The following WWC1 variants were observed in gnomAD, a reference collection of about 807,000 sequenced individuals.
The protein encoded by WWC1 is WW and C2 domain containing 1.
In WWC1, 55 loss-of-function variants were observed where a neutral mutation model predicts 138.4. The ratio of observed to expected loss-of-function variants is 0.40; its 90% CI spans 0.32 to 0.50. WWC1 has a LOEUF of 0.50. Ranked by LOEUF, WWC1 falls within the 20% of genes least tolerant of loss-of-function variation. The pLI, the probability that WWC1 is intolerant of heterozygous loss-of-function variation, is 0.72. For missense variants in WWC1, 1,226 were observed against 1,420.4 expected, an observed-to-expected ratio of 0.86 and a Z score of 2.20; for synonymous variants, 524 against 564.9, an observed-to-expected ratio of 0.93 and a Z score of 1.03.
Position 168,423,541 on chromosome 5 carries a change from G to A in WWC1, c.1283G>A (p.Ser428Asn), listed in dbSNP as rs1781283467. The change falls in exon 11 of 23, where the codon AGC (serine) becomes AAC (asparagine). Residue 428 changes from serine to asparagine, a missense_variant. Ser to Asn is a conservative substitution (Grantham distance 46). Coordinates refer to ENST00000265293, the MANE Select transcript of WWC1 (RefSeq NM_015238.3). ...TLHSQLKSLS[S>N]SMQSLSSGSS... is the part of the protein sequence containing the mutation. ...CCCTCCCTGTGTCCCAGTCTCTCAA[G>A]CAGCATGCAGTCCCTGTCCTCAGGC... 1 of 1,610,688 alleles carries A rather than the reference G, an allele frequency of 6.2e-7. No individual in the cohort carries two copies. Among genetic ancestry groups the A allele is most frequent in the Non-Finnish European group, 8.5e-7 (1 of 1,178,478 alleles).
At chr5:168,443,911 CAATT>C (rs1232401697) in intron 16 of WWC1, among the ~76,000 whole-genome samples, 7 of 152,178 alleles carry the variant, frequency 4.6e-5, no homozygotes, top group African/African-American at 1.4e-4. Flanking sequence ...TGTAGAGTCT[CAATT>C]AATCTTCATA....
chr5:168,443,710 G>T (rs546249476), intron 16 of WWC1, among the ~76,000 whole-genome samples: 21 of 152,134 alleles, frequency 1.4e-4, no homozygotes, highest in African/African-American at 5.1e-4. Context: ...CAGGCCTTCA[G>T]TTGATTTTAG....
At chr5:168,316,038 G>C (rs1483610645) in intron 1 of WWC1, among the ~76,000 whole-genome samples, 2 of 152,174 alleles carry the variant, frequency 1.3e-5, no homozygotes, top group Admixed American at 1.3e-4. Flanking sequence ...CCCAAACCCA[G>C]GACAGCTAGA....
At chr5:168,304,971 A>G (rs1355691305) in intron 1 of WWC1, among the ~76,000 whole-genome samples, 1 of 151,910 alleles carries the variant, frequency 6.6e-6, no homozygotes, top group African/African-American at 2.4e-5. Flanking sequence ...GATTACAGGC[A>G]TGTGCCACCA....
intron 1 of WWC1, among the ~76,000 whole-genome samples, chr5:168,309,330 A>C (rs1770855275): frequency 1.3e-5 from 2 of 152,110 alleles, no homozygotes; most frequent in African/African-American, 4.8e-5. Flanking sequence ...CAAATCGAAA[A>C]TTGAATCCAG....
chr5:168,325,616 T>G (rs1772465515), intron 1 of WWC1, among the ~76,000 whole-genome samples: 1 of 152,174 alleles, frequency 6.6e-6, no homozygotes, highest in Non-Finnish European at 1.5e-5. Flanking sequence ...GCACTGACAT[T>G]CCATGTGAGA....
rs866543015 is a variant in WWC1 at position 168,297,696 on chromosome 5, T to C, written c.119+5425T>C. Among the ~76,000 whole-genome samples the C allele has an allele frequency of 1.5e-4, 21 of 139,428 alleles. 1 individual carries two copies. Among genetic ancestry groups the C allele is most frequent in the South Asian group, 1.1e-3 (5 of 4,434 alleles). The allele number at this position is 139,428 out of a possible 152,430, so 91.5% of individuals were successfully genotyped here. A position where few individuals can be genotyped will look rare whatever the true frequency, so the allele number is the denominator to read the frequency against. ...GACTTGCCCAAGGTCACACAGAAAA[T>C]AAATGCCAACCTCGAGTCTAGTAAA... is the stretch of plus-strand genomic sequence containing the variant. On this transcript the variant is annotated intron_variant, in intron 1 of 22. Transcript: ENST00000265293.
chr5:168,293,561 T>C (rs1156412258), intron 1 of WWC1, among the ~76,000 whole-genome samples: 1 of 152,202 alleles, frequency 6.6e-6, no homozygotes, highest in Non-Finnish European at 1.5e-5. Flanking sequence ...CTCAGCACCA[T>C]GCTGAATGTC....
At chr5:168,313,835 A>G (rs1421777617) in intron 1 of WWC1, among the ~76,000 whole-genome samples, 1 of 152,232 alleles carries the variant, frequency 6.6e-6, no homozygotes, top group African/African-American at 2.4e-5. Flanking sequence ...ACAACCAGCT[A>G]TAAATACTAT....
chr5:168,467,854 G>A lies in WWC1; in HGVS notation c.3165G>A (p.Ala1055=), dbSNP rs772538912. 69 of 1,614,046 alleles carry A rather than the reference G, an allele frequency of 4.3e-5. No individual in the cohort carries two copies. The Middle Eastern group carries it at 4.9e-4, about 12-fold the overall frequency. ...RMLEKRQMDR[A]EHKGELQTDK... is the part of the protein sequence containing the mutation. ...GCTTTGCCCAGCAGATGGACCGAGCGGAGCACAAGGGTGAGCTTCAGACAG... is the reference window on the plus strand; with the variant it reads ...GCTTTGCCCAGCAGATGGACCGAGCAGAGCACAAGGGTGAGCTTCAGACAG... Residue 1055 remains alanine, a synonymous_variant, in exon 22 of 23, where the codon GCG becomes GCA. Coordinates refer to ENST00000265293, the MANE Select transcript of WWC1 (RefSeq NM_015238.3).
chr5:168,337,345 A>G lies in WWC1; in HGVS notation c.120-34079A>G, dbSNP rs981180285. Among the ~76,000 whole-genome samples, 3 of 326 alleles carry G rather than the reference A, an allele frequency of 9.2e-3. No individual in the cohort carries two copies. In the Admixed American group the frequency reaches 0.1, roughly 11 times the overall value. 0.2% of individuals were successfully genotyped at this position (326 alleles called of 152,430 possible). A position where few individuals can be genotyped will look rare whatever the true frequency, so the allele number is the denominator to read the frequency against. On this transcript the variant is annotated intron_variant, in intron 1 of 22. Transcript: ENST00000265293. ...CATCTTTCAAAAGCTCCATCGGTGT[A>G]ACTAGGAAGGTTTTGACATCTCCTC...
At chr5:168,373,439 G>A (rs1481858283) in intron 2 of WWC1, among the ~76,000 whole-genome samples, 1 of 152,026 alleles carries the variant, frequency 6.6e-6, no homozygotes, top group East Asian at 1.9e-4. Context: ...GGTTTGAGGT[G>A]GTCTGGTTGG....
intron 21 of WWC1, 52 bp from the exon 22 acceptor site, chr5:168,467,788 C>G: frequency 6.2e-7 from 1 of 1,612,188 alleles, no homozygotes; most frequent in South Asian, 1.1e-5. Flanking sequence ...TTCTCCTTGC[C>G]CCTTTCTGGA....
intron 11 of WWC1, among the ~76,000 whole-genome samples, chr5:168,427,545 TTAA>T (rs1781591725): frequency 7.5e-6 from 1 of 133,164 alleles, no homozygotes; most frequent in Non-Finnish European, 1.5e-5. Context: ...AAACTTTTTT[TTAA>T]TTTTTTTTTT....
intron 1 of WWC1, among the ~76,000 whole-genome samples, chr5:168,307,161 G>C (rs1458776022): frequency 2.0e-5 from 3 of 152,248 alleles, no homozygotes; most frequent in African/African-American, 4.8e-5. Context: ...TATGAGGTAA[G>C]AACCATCTCC....
intron 1 of WWC1, among the ~76,000 whole-genome samples, chr5:168,321,807 G>C (rs969057019): frequency 6.6e-6 from 1 of 152,240 alleles, no homozygotes; most frequent in Non-Finnish European, 1.5e-5. Context: ...AAAGTGCTGG[G>C]ATTACAGGCG....
chr5:168,358,475 G>A (rs1775625482), intron 1 of WWC1, among the ~76,000 whole-genome samples: 1 of 152,124 alleles, frequency 6.6e-6, no homozygotes, highest in Non-Finnish European at 1.5e-5. Flanking sequence ...CTCATGGTAG[G>A]GATGGGAAAA....
chr5:168,311,336 T>G (rs1259383417), intron 1 of WWC1, among the ~76,000 whole-genome samples: 2 of 152,094 alleles, frequency 1.3e-5, no homozygotes, highest in Non-Finnish European at 2.9e-5. Context: ...CACAGGAATC[T>G]CAGGCAAGGA....
At chr5:168,319,265 C>T (rs1422278127) in intron 1 of WWC1, among the ~76,000 whole-genome samples, 1 of 152,042 alleles carries the variant, frequency 6.6e-6, no homozygotes, top group Admixed American at 6.5e-5. Context: ...ACTAAAGATA[C>T]AAAAATTAGC....
Sources: allele counts gnomAD v4.1 joint callset (sites outside exome capture counted in the v4.1 genomes callset), GRCh38; gene constraint gnomAD v4.1.1; transcripts MANE v1.5; gene names NCBI Gene and HGNC (gene_info 2026-07-23, HGNC 2026-07-21).